DNAJC5: variants seen among roughly 807,000 people sequenced by gnomAD.
DNAJC5 encodes dnaJ homolog subfamily C member 5.
DNAJC5 carries 1 observed loss-of-function variant against 23.2 expected under a neutral mutation model. The observed-to-expected ratio is 0.04, with a 90% CI of 0.02 to 0.20. DNAJC5 has a LOEUF of 0.20. DNAJC5 is among the 10% of genes least tolerant of loss of function. The pLI is 1.00. For missense variants in DNAJC5, 180 were observed against 267.0 expected, an observed-to-expected ratio of 0.67 and a Z score of 2.27; for synonymous variants, 136 against 120.0, an observed-to-expected ratio of 1.13 and a Z score of -0.87.
intron 1 of DNAJC5, among the ~76,000 whole-genome samples, chr20:63,925,513 G>C (rs1197895800): frequency 6.6e-6 from 1 of 151,350 alleles, no homozygotes; most frequent in Admixed American, 6.6e-5. Flanking sequence ...GGGTAGGTAT[G>C]TGTAAAATAG....
At chr20:63,919,313 C>G (rs4809249) in intron 1 of DNAJC5, 1 of 451,052 alleles carries the variant, frequency 2.2e-6, no homozygotes, top group South Asian at 1.6e-5. Context: ...GGCATGTGAT[C>G]GATGCATCGT....
rs2053563577 is a variant in DNAJC5 at position 63,920,695 on chromosome 20, T to G, written c.-11-7640T>G. 6.6e-6 allele frequency among the ~76,000 whole-genome samples: 1 copy of G among 152,236 alleles called. No individual in the cohort carries two copies. The highest frequency in any genetic ancestry group is 6.5e-5 in the Admixed American group (1 of 15,284). On this transcript the variant is annotated intron_variant, in intron 1 of 4. Coordinates refer to ENST00000360864, the MANE Select transcript of DNAJC5 (RefSeq NM_025219.3). The surrounding 1 kb of genome is among the most constrained non-coding windows in gnomAD (Gnocchi z 4.6). ...TAATTTTTATTTATTTATTTATTTT[T>G]GAGACTGAGTCTGACTCTGTCACCC... is the stretch of plus-strand genomic sequence containing the variant.
Position 63,928,546 on chromosome 20 carries a change from C to CT in DNAJC5, c.107+97dup. ...ATTTTACCAAGAACCATTGCACATA[C>CT]TTTATCCTGGCCGACTCAGCGTTGA... On this transcript the variant is annotated intron_variant, in intron 2 of 4. Coordinates refer to ENST00000360864, the MANE Select transcript of DNAJC5 (RefSeq NM_025219.3). This position sits in a 1 kb window ranked among gnomAD's most constrained non-coding sequence, Gnocchi z 4.6. 2 of 1,072,288 alleles carry CT rather than the reference C, an allele frequency of 1.9e-6. No individual in the cohort carries two copies. Among genetic ancestry groups the CT allele is most frequent in the Non-Finnish European group, 2.9e-6 (2 of 698,026 alleles). The allele number at this position is 1,072,288 out of a possible 1,614,324, so 66.4% of individuals were successfully genotyped here.
In DNAJC5 at chr20:63,931,336, TGGA is replaced by T. The variant is rs2053668601; in HGVS notation, c.494-126_494-124del. On this transcript the variant is annotated intron_variant, in intron 4 of 4. Coordinates refer to ENST00000360864, the MANE Select transcript of DNAJC5 (RefSeq NM_025219.3). The surrounding 1 kb of genome is among the most constrained non-coding windows in gnomAD (Gnocchi z 9.6). ...GGCGACGGAGGAAAGCCGTGTGGGG[TGGA>T]GGTCAGCGAGTAGCCTCTCCCGGTG... The T allele has an allele frequency of 1.1e-6, 1 of 952,302 alleles. No homozygotes were observed. Among genetic ancestry groups the T allele is most frequent in the African/African-American group, 1.6e-5 (1 of 61,164 alleles). The allele number at this position is 952,302 out of a possible 1,614,324, so 59.0% of individuals were successfully genotyped here.
chr20:63,897,176 C>T (rs1479157108), intron 1 of DNAJC5, among the ~76,000 whole-genome samples: 1 of 152,196 alleles, frequency 6.6e-6, no homozygotes, highest in Non-Finnish European at 1.5e-5. Flanking sequence ...GGACGGATCA[C>T]TTGGAGTCAG....
intron 1 of DNAJC5, among the ~76,000 whole-genome samples, chr20:63,895,616 G>T (rs528034702): frequency 1.5e-4 from 23 of 151,720 alleles, no homozygotes; most frequent in Admixed American, 6.6e-4. Context: ...GTCTCTTCGG[G>T]CCCGGACGCC....
intron 1 of DNAJC5, among the ~76,000 whole-genome samples, chr20:63,910,640 C>T (rs1380115843): frequency 6.6e-6 from 1 of 151,168 alleles, no homozygotes; most frequent in Admixed American, 6.6e-5. Flanking sequence ...TGTTGGATAA[C>T]CTGCTCTCCA....
At chr20:63,913,280 C>T (rs1262209243) in intron 1 of DNAJC5, among the ~76,000 whole-genome samples, 2 of 152,194 alleles carry the variant, frequency 1.3e-5, no homozygotes, top group Admixed American at 6.6e-5. Context: ...CTGCAGTCCG[C>T]AGCACCTGTT....
chr20:63,917,957 ACTC>A (rs914301335), intron 1 of DNAJC5, among the ~76,000 whole-genome samples: 9 of 151,914 alleles, frequency 5.9e-5, no homozygotes, highest in African/African-American at 2.2e-4. Context: ...ACGGTCGCCC[ACTC>A]CTCCTGCCAG....
chr20:63,905,935 A>G (rs817378), intron 1 of DNAJC5, among the ~76,000 whole-genome samples: 53,902 of 151,148 alleles, frequency 0.36, 10,378 homozygotes, highest in East Asian at 0.63. Flanking sequence ...GGGTTTCACC[A>G]TGTTGGCCAG....
Position 63,931,517 on chromosome 20 carries a change from C to G in DNAJC5, c.546C>G (p.Thr182=). The change falls in exon 5 of 5, where the codon ACC becomes ACG. Residue 182 remains threonine, a synonymous_variant. Coordinates refer to ENST00000360864, the MANE Select transcript of DNAJC5 (RefSeq NM_025219.3). The surrounding 1 kb of genome is among the most constrained non-coding windows in gnomAD (Gnocchi z 9.6). ...AGCCGGCATCCGCCACCGAGACCAC[C>G]CAGCTCACAGCCGACTCCCACCCCA... ...VIQPASATET[T]QLTADSHPSY... is the part of the protein sequence containing the mutation. 6.3e-7 allele frequency: 1 copy of G among 1,584,094 alleles called. No homozygotes were observed. The highest frequency in any genetic ancestry group is 1.1e-5 in the South Asian group (1 of 87,026).
At chr20:63,904,677 G>A (rs1225513678) in intron 1 of DNAJC5, among the ~76,000 whole-genome samples, 1 of 152,176 alleles carries the variant, frequency 6.6e-6, no homozygotes, top group African/African-American at 2.4e-5. Context: ...CCTTTGCCCT[G>A]GACTGACTCC....
chr20:63,930,753 A>G lies in DNAJC5; in HGVS notation c.322-98A>G, dbSNP rs925315325. On this transcript the variant is annotated intron_variant, in intron 3 of 4. Coordinates refer to ENST00000360864, the MANE Select transcript of DNAJC5 (RefSeq NM_025219.3). ...CTGGAAGGCAGTATCCCCACCTGGA[A>G]CGCACCCCCTGCCTTCTGCTGAGGG... The G allele has an allele frequency of 2.5e-6, 4 of 1,586,308 alleles. No homozygotes were observed. The African/African-American group carries it at 5.4e-5, about 21-fold the overall frequency.
chr20:63,899,812 AC>A (rs2053399223), intron 1 of DNAJC5, among the ~76,000 whole-genome samples: 1 of 148,508 alleles, frequency 6.7e-6, no homozygotes, highest in Admixed American at 6.7e-5. Context: ...CGATCTCCTG[AC>A]CTTGTGATCC....
chr20:63,931,381 G>T lies in DNAJC5; in HGVS notation c.494-84G>T, dbSNP rs1046544255. The T allele has an allele frequency of 2.0e-5, 25 of 1,281,904 alleles. No homozygotes were observed. The Admixed American group carries it at 3.4e-4, about 17-fold the overall frequency. The allele number at this position is 1,281,904 out of a possible 1,614,324, so 79.4% of individuals were successfully genotyped here. On this transcript the variant is annotated intron_variant, in intron 4 of 4. Transcript: ENST00000360864. The surrounding 1 kb of genome is among the most constrained non-coding windows in gnomAD (Gnocchi z 9.6). Reference sequence around the variant, plus strand: ...CTCCCGGTGGAGAGTTTGTCCAGGTGCCCGAAAGTCGCTCCACAGGACCAG... The same window carrying T: ...CTCCCGGTGGAGAGTTTGTCCAGGTTCCCGAAAGTCGCTCCACAGGACCAG...
At position 63,928,604 on chromosome 20, in the gene DNAJC5, G is replaced by A; in HGVS notation, c.107+152G>A. The A allele has an allele frequency of 1.4e-6, 1 of 702,908 alleles. No individual in the cohort carries two copies. Among genetic ancestry groups the A allele is most frequent in the Non-Finnish European group, 2.6e-6 (1 of 386,040 alleles). The allele number at this position is 702,908 out of a possible 1,614,324, so 43.5% of individuals were successfully genotyped here. A position where few individuals can be genotyped will look rare whatever the true frequency, so the allele number is the denominator to read the frequency against. On this transcript the variant is annotated intron_variant, in intron 2 of 4. Coordinates refer to ENST00000360864, the MANE Select transcript of DNAJC5 (RefSeq NM_025219.3). The surrounding 1 kb of genome is among the most constrained non-coding windows in gnomAD (Gnocchi z 4.6). ...ACAGCTCGGTAACACCTTTGTATGT[G>A]TAATGTGCTCCTTATAGCTTAAAGT...
At chr20:63,926,739 C>T (rs563017834) in intron 1 of DNAJC5, among the ~76,000 whole-genome samples, 23 of 152,328 alleles carry the variant, frequency 1.5e-4, no homozygotes, top group African/African-American at 3.4e-4. Flanking sequence ...TCGGGACCCC[C>T]GTGGACTGGG....
intron 1 of DNAJC5, among the ~76,000 whole-genome samples, chr20:63,902,445 C>T (rs148333105): frequency 4.3e-4 from 64 of 147,522 alleles, no homozygotes; most frequent in Middle Eastern, 3.7e-3. Context: ...CTTGGCTCAC[C>T]GCAACCTCTG....
Position 63,931,038 on chromosome 20 carries a change from A to G in DNAJC5, c.493+16A>G. On this transcript the variant is annotated intron_variant, in intron 4 of 4. Coordinates refer to ENST00000360864, the MANE Select transcript of DNAJC5 (RefSeq NM_025219.3). The surrounding 1 kb of genome is among the most constrained non-coding windows in gnomAD (Gnocchi z 9.6). ...GACGAGAGGGGTGAGTGCCCGCCCC[A>G]GGGCCCGTGTGTGTGTGTGGGGCAG... 6.2e-7 allele frequency: 1 copy of G among 1,612,770 alleles called. No homozygotes were observed. The highest frequency in any genetic ancestry group is 8.5e-7 in the Non-Finnish European group (1 of 1,179,402).
Sources: allele counts gnomAD v4.1 joint callset (sites outside exome capture counted in the v4.1 genomes callset), GRCh38; gene constraint gnomAD v4.1.1; non-coding constraint Gnocchi (gnomAD v3.1); transcripts MANE v1.5; gene names NCBI Gene and HGNC (gene_info 2026-07-23, HGNC 2026-07-21).